Variants in TENM1 observed in about 807,000 individuals in gnomAD.
TENM1 encodes the protein teneurin-1.
A neutral mutation model predicts 174.8 loss-of-function variants in TENM1; 35 were observed. The observed-to-expected ratio is 0.20, with a 90% CI of 0.15 to 0.27. The LOEUF (loss-of-function observed/expected upper bound fraction) is 0.27, where lower values mean the gene tolerates loss of function less well. Ranked by LOEUF, TENM1 falls within the 10% of genes least tolerant of loss-of-function variation. TENM1 has a pLI of 1.00. For synonymous variants in TENM1, 781 were observed against 798.7 expected (o/e 0.98, Z 0.37); for missense variants, 1,633 against 2,130.1 (o/e 0.77, Z 4.59).
At chrX:125,057,683 T>C in the TENM1 span, among the ~76,000 whole-genome samples, 24 of 111,462 alleles carry the variant, frequency 2.2e-4, no homozygotes, top group African/African-American at 7.8e-4. Context: ...AGCTGCTATA[T>C]TGAGTAAAGT....
chrX:124,905,161 TA>T (rs371980282), intron 1 of TENM1, among the ~76,000 whole-genome samples: 276 of 106,966 alleles, frequency 2.6e-3, no homozygotes, highest in African/African-American at 3.3e-3. Context: ...CTGTCTCAAT[TA>T]AAAAAAAAAT....
At chrX:124,429,450 G>C (rs948150323) in intron 23 of TENM1, among the ~76,000 whole-genome samples, 2 of 110,805 alleles carry the variant, frequency 1.8e-5, no homozygotes, top group Admixed American at 9.7e-5. Context: ...TGAGTGCCAT[G>C]ATAGATGTAT....
At chrX:124,530,091 A>G in intron 15 of TENM1, 108 bp from the exon 19 acceptor site, 1 of 912,810 alleles carries the variant, frequency 1.1e-6, no homozygotes, top group Non-Finnish European at 1.5e-6. Context: ...GAAAACAATA[A>G]TTTCACCAAC....
chrX:124,682,763 T>C (rs1020966384), intron 5 of TENM1, among the ~76,000 whole-genome samples: 3 of 110,332 alleles, frequency 2.7e-5, no homozygotes, highest in Non-Finnish European at 3.8e-5. Context: ...AAAACCCAAA[T>C]TGAAGGACAT....
At chrX:124,565,339 T>C in intron 12 of TENM1, 36 bp downstream of exon 15, 1 of 1,088,002 alleles carries the variant, frequency 9.2e-7, no homozygotes, top group Non-Finnish European at 1.2e-6. Context: ...CTTCAACTAA[T>C]CCAACTTACT....
At chrX:125,171,567 A>T in the TENM1 span, among the ~76,000 whole-genome samples, 501 of 110,172 alleles carry the variant, frequency 4.5e-3, 3 homozygotes, top group Non-Finnish European at 6.5e-3. Context: ...CATAAATGGG[A>T]TTAGTGCCCT....
the TENM1 span, among the ~76,000 whole-genome samples, chrX:125,049,813 A>T: frequency 1.6e-4 from 18 of 110,687 alleles, no homozygotes; most frequent in African/African-American, 5.9e-4. Context: ...CTTATTGGTC[A>T]TTTGTGTGTT....
In TENM1 at chrX:124,763,332, T is replaced by A. The variant is rs1018436651; in HGVS notation, c.536-26135A>T. The stretch of plus-strand genomic sequence containing the variant: ...TATAACAATTAAGAGAGGGGAAAAA[T>A]TATAGACATGCTAATGCTGATTTAA... On this transcript the variant is annotated intron_variant, in intron 3 of 31. Transcript: ENST00000422452. Among the ~76,000 whole-genome samples, 3 of 110,982 alleles carry A rather than the reference T, an allele frequency of 2.7e-5. No homozygotes were observed. In the Admixed American group the frequency reaches 2.9e-4, roughly 11 times the overall value.
At chrX:124,666,305 A>C (rs910478672) in intron 6 of TENM1, among the ~76,000 whole-genome samples, 3 of 111,204 alleles carry the variant, frequency 2.7e-5, no homozygotes, top group African/African-American at 9.8e-5. Flanking sequence ...TTGGCATCCA[A>C]CCTGCAGGAA....
the TENM1 span, among the ~76,000 whole-genome samples, chrX:125,146,066 C>G: frequency 8.9e-5 from 10 of 111,936 alleles, no homozygotes; most frequent in African/African-American, 6.5e-5. Flanking sequence ...ATTAGACAAC[C>G]TGTCTACCCA....
intron 22 of TENM1, among the ~76,000 whole-genome samples, chrX:124,477,612 C>T (rs1247460461): frequency 2.7e-5 from 3 of 110,858 alleles, no homozygotes; most frequent in Admixed American, 9.6e-5. Flanking sequence ...ATGAGCCAGG[C>T]GTGGTGGCCC....
the TENM1 span, among the ~76,000 whole-genome samples, chrX:125,013,460 T>C: frequency 9.0e-6 from 1 of 111,711 alleles, no homozygotes; most frequent in Non-Finnish European, 1.9e-5. Flanking sequence ...CCTTAAAATG[T>C]ATAATTTATA....
intron 4 of TENM1, among the ~76,000 whole-genome samples, chrX:124,733,664 C>A (rs1398563349): frequency 8.9e-6 from 1 of 112,064 alleles, no homozygotes; most frequent in Admixed American, 9.4e-5. Flanking sequence ...AATAACGTTT[C>A]TGGCTTTTAA....
the TENM1 span, among the ~76,000 whole-genome samples, chrX:125,141,544 C>T: frequency 3.6e-5 from 4 of 110,985 alleles, no homozygotes; most frequent in African/African-American, 1.3e-4. Context: ...CAACAAATAC[C>T]GTGTCTAGAT....
intron 3 of TENM1, among the ~76,000 whole-genome samples, chrX:124,880,485 T>G (rs1418175040): frequency 1.8e-5 from 2 of 112,191 alleles, no homozygotes; most frequent in Admixed American, 9.5e-5. Context: ...AACATTTGAC[T>G]ACTTCTTTTT....
In TENM1 at chrX:124,912,226, T is replaced by C. The variant is rs1211288384; in HGVS notation, c.218-15985A>G. 1.8e-5 allele frequency among the ~76,000 whole-genome samples: 2 copies of C among 111,397 alleles called. 1 individual carries two copies. Among genetic ancestry groups the C allele is most frequent in the Admixed American group, 1.9e-4 (2 of 10,455 alleles). On this transcript the variant is annotated intron_variant, in intron 1 of 31. Transcript: ENST00000422452. ...ATATGAAAGCAGTGACAAGTAGGAA[T>C]TTAGCTTCTTCCATCGAACTGAAAT...
the TENM1 span, among the ~76,000 whole-genome samples, chrX:124,975,374 G>T: frequency 9.0e-6 from 1 of 111,146 alleles, no homozygotes; most frequent in African/African-American, 3.3e-5. Context: ...AAATCCATTG[G>T]GGTTTTGTAA....
exon 30 of TENM1, chrX:124,384,604 G>A (rs930192392): frequency 8.3e-7 from 1 of 1,211,217 alleles, no homozygotes. Context: ...CATTGGCACT[G>A]AAGATTTTGG....
At chrX:124,548,775 G>A (rs770470424) in intron 14 of TENM1, among the ~76,000 whole-genome samples, 23 of 110,992 alleles carry the variant, frequency 2.1e-4, no homozygotes, top group Non-Finnish European at 3.6e-4. Flanking sequence ...GTCTGCTCCC[G>A]TGGAGTTAGA....
Sources: gnomAD v4.1 joint callset for allele counts (sites outside exome capture counted in the v4.1 genomes callset) on GRCh38, gnomAD v4.1.1 for gene constraint, MANE v1.5 for transcripts, NCBI Gene and HGNC (gene_info 2026-07-23, HGNC 2026-07-21) for gene names.